Variants in PTPRO observed in about 807,000 individuals in gnomAD.
The protein encoded by PTPRO is protein tyrosine phosphatase receptor type O.
A neutral mutation model predicts 145.2 loss-of-function variants in PTPRO; 62 were observed. The ratio of observed to expected loss-of-function variants is 0.43; its 90% CI spans 0.35 to 0.53. The LOEUF (loss-of-function observed/expected upper bound fraction) is 0.53. PTPRO is among the 20% of genes least tolerant of loss of function. The probability of loss-of-function intolerance (pLI) is 0.01; values close to 1 mark genes in which losing one functional copy is unlikely to be tolerated. For missense variants in PTPRO, 1,345 were observed against 1,482.7 expected (o/e 0.91, Z 1.53); for synonymous variants, 565 against 514.7 (o/e 1.10, Z -1.32).
rs143854258 is a variant in PTPRO at position 15,562,613 on chromosome 12, G to T, written c.2711+2337G>T. Among the ~76,000 whole-genome samples, 542 of 152,204 alleles carry T rather than the reference G, an allele frequency of 3.6e-3. 4 individuals carry two copies. Among genetic ancestry groups the T allele is most frequent in the African/African-American group, 0.012 (501 of 41,538 alleles). On this transcript the variant is annotated intron_variant, in intron 17 of 26. Coordinates refer to ENST00000281171, the MANE Select transcript of PTPRO (RefSeq NM_030667.3). The stretch of plus-strand genomic sequence containing the variant: ...GTAGCAGAATCAGTGTGGAGCACCA[G>T]TACCCAGTTAGGTTGGTCTCAGGAT...
At chr12:15,594,877 A>G (rs1207361351) in intron 25 of PTPRO, 60 bp from the exon 26 acceptor site, 1 of 1,192,444 alleles carries the variant, frequency 8.4e-7, no homozygotes, top group South Asian at 1.3e-5. Flanking sequence ...TTGTCATAGT[A>G]TAAAATATTA....
At chr12:15,545,042 T>C (rs1943253906) in intron 12 of PTPRO, among the ~76,000 whole-genome samples, 1 of 152,186 alleles carries the variant, frequency 6.6e-6, no homozygotes, top group Non-Finnish European at 1.5e-5. Flanking sequence ...TGATAAATCA[T>C]GGCAAGAATG....
chr12:15,366,176 G>A (rs1311721363), intron 1 of PTPRO, among the ~76,000 whole-genome samples: 1 of 152,150 alleles, frequency 6.6e-6, no homozygotes, highest in African/African-American at 2.4e-5. Context: ...TTTGTTCCTT[G>A]TGATATTTCC....
chr12:15,444,827 G>T (rs1230799067), intron 1 of PTPRO, among the ~76,000 whole-genome samples: 1 of 152,064 alleles, frequency 6.6e-6, no homozygotes, highest in Non-Finnish European at 1.5e-5. Flanking sequence ...TTGTTTATAA[G>T]CTATCTAGTC....
intron 1 of PTPRO, among the ~76,000 whole-genome samples, chr12:15,415,731 A>G (rs2136319585): frequency 6.6e-6 from 1 of 151,918 alleles, no homozygotes; most frequent in East Asian, 1.9e-4. Flanking sequence ...TATAAGTAAA[A>G]TAGCCTGGTA....
At chr12:15,589,420 T>C (rs376717254) in intron 24 of PTPRO, 35 bp from the exon 25 acceptor site, 7 of 1,611,646 alleles carry the variant, frequency 4.3e-6, no homozygotes, top group Admixed American at 1.7e-5. Context: ...AGAAGCACCA[T>C]CTGAATAATA....
chr12:15,500,797 C>G (rs1398174236), intron 4 of PTPRO, among the ~76,000 whole-genome samples: 1 of 152,170 alleles, frequency 6.6e-6, no homozygotes, highest in Non-Finnish European at 1.5e-5. Context: ...TGGCTGGTGC[C>G]TGTAATCCCA....
At chr12:15,419,878 T>A (rs1329600466) in intron 1 of PTPRO, among the ~76,000 whole-genome samples, 1 of 148,778 alleles carries the variant, frequency 6.7e-6, no homozygotes, top group Non-Finnish European at 1.5e-5. Flanking sequence ...CCGGGTGCAG[T>A]GGCTCACGCC....
chr12:15,404,502 A>G (rs1001959049), intron 1 of PTPRO, among the ~76,000 whole-genome samples: 13 of 152,180 alleles, frequency 8.5e-5, no homozygotes, highest in Non-Finnish European at 1.8e-4. Flanking sequence ...CAGAGGAATA[A>G]TATTATAATC....
At chr12:15,376,854 T>C (rs567841214) in intron 1 of PTPRO, among the ~76,000 whole-genome samples, 1 of 152,084 alleles carries the variant, frequency 6.6e-6, no homozygotes, top group Non-Finnish European at 1.5e-5. Flanking sequence ...TTCTATCACA[T>C]TGGGGGTATT....
At chr12:15,461,357 C>G (rs554524238) in intron 1 of PTPRO, among the ~76,000 whole-genome samples, 3 of 152,180 alleles carry the variant, frequency 2.0e-5, no homozygotes, top group Admixed American at 6.5e-5. Flanking sequence ...CCTCATGTCT[C>G]CCTAAAATGT....
At chr12:15,520,826 C>T (rs955354609) in intron 10 of PTPRO, among the ~76,000 whole-genome samples, 11 of 152,006 alleles carry the variant, frequency 7.2e-5, no homozygotes, top group Admixed American at 4.6e-4. Context: ...AGCACGTTAA[C>T]TTTTCTAAAT....
chr12:15,369,408 C>A (rs1158891516), intron 1 of PTPRO, among the ~76,000 whole-genome samples: 1 of 152,158 alleles, frequency 6.6e-6, no homozygotes, highest in Non-Finnish European at 1.5e-5. Context: ...TCAGTCTGAA[C>A]CTAGCAGGTA....
rs1158677352 is a variant in PTPRO at position 15,546,699 on chromosome 12, C to A, written c.2295C>A (p.Thr765=). 4 of 1,613,806 alleles carry A rather than the reference C, an allele frequency of 2.5e-6. No individual in the cohort carries two copies. Among genetic ancestry groups the A allele is most frequent in the Non-Finnish European group, 3.4e-6 (4 of 1,179,918 alleles). ...AACAAGTTGGCTCCAGTCAGAAAAC[C>A]AAACTTCAGGTACTGTACCTTTTGA... ...FCQQVGSSQK[T]KLQEPVAVSS... Residue 765 remains threonine, a synonymous_variant, in exon 13 of 27, where the codon ACC becomes ACA. Transcript: ENST00000281171.
intron 1 of PTPRO, among the ~76,000 whole-genome samples, chr12:15,416,223 A>C (rs1413228925): frequency 4.0e-5 from 6 of 151,636 alleles, no homozygotes; most frequent in Non-Finnish European, 7.4e-5. Context: ...TGTCGTGTTG[A>C]ATGAACGAAT....
intron 1 of PTPRO, among the ~76,000 whole-genome samples, chr12:15,368,939 TGAG>T: frequency 6.6e-6 from 1 of 152,226 alleles, no homozygotes; most frequent in East Asian, 1.9e-4. Flanking sequence ...TCTCATTCTA[TGAG>T]CAACTCCCGT....
At chr12:15,452,557 A>G (rs1230570723) in intron 1 of PTPRO, among the ~76,000 whole-genome samples, 1 of 152,186 alleles carries the variant, frequency 6.6e-6, no homozygotes, top group Non-Finnish European at 1.5e-5. Context: ...AGAAAACTAC[A>G]GACCAGTATC....
chr12:15,544,025 C>T (rs1044959792), intron 12 of PTPRO, among the ~76,000 whole-genome samples: 8 of 152,040 alleles, frequency 5.3e-5, no homozygotes, highest in African/African-American at 1.9e-4. Flanking sequence ...GATGTGATAC[C>T]ACAGACAATG....
chr12:15,457,066 AC>A (rs993917536), intron 1 of PTPRO, among the ~76,000 whole-genome samples: 2 of 152,040 alleles, frequency 1.3e-5, no homozygotes, highest in African/African-American at 2.4e-5. Flanking sequence ...ACTTAAGATG[AC>A]CTTTTTCCTA....
Sources: gnomAD v4.1 joint callset for allele counts (sites outside exome capture counted in the v4.1 genomes callset) on GRCh38, gnomAD v4.1.1 for gene constraint, MANE v1.5 for transcripts, NCBI Gene and HGNC (gene_info 2026-07-23, HGNC 2026-07-21) for gene names.